AKR1C2: variants seen among roughly 807,000 people sequenced by gnomAD.
The protein encoded by AKR1C2 is 3-alpha-HSD3.
AKR1C2 carries 27 observed loss-of-function variants against 39.8 expected under a neutral mutation model. That is an observed-to-expected ratio of 0.68 (90% CI 0.50 to 0.93). The LOEUF (loss-of-function observed/expected upper bound fraction) is 0.93, where lower values mean the gene tolerates loss of function less well. Among genes scored for constraint, AKR1C2 ranks in the 40% least tolerant of loss-of-function variants. The pLI is 0.00. For synonymous variants in AKR1C2, 114 were observed against 137.9 expected, an observed-to-expected ratio of 0.83 and a Z score of 1.22; for missense variants, 263 against 365.1, an observed-to-expected ratio of 0.72 and a Z score of 2.28.
chr10:5,004,192 T>C (rs1554774189), upstream of AKR1C2, among the ~76,000 whole-genome samples: 1 of 152,254 alleles, frequency 6.6e-6, no homozygotes, highest in African/African-American at 2.4e-5. Context: ...AGCTCTTTTT[T>C]GTGTGTGCCA....
chr10:4,996,161 G>C, intron 5 of AKR1C2: 1 of 292,764 alleles, frequency 3.4e-6, no homozygotes, highest in South Asian at 4.7e-5. Flanking sequence ...GATTCTTTGA[G>C]CCTTGGGCAT....
In AKR1C2 at chr10:5,014,014, A is replaced by AT. The variant is rs572515521; in HGVS notation, c.-88+3885dup. On this transcript the variant is annotated intron_variant, in intron 1 of 6. Transcript: ENST00000604507. ...AGTAAAATGTCCTCAAGGTTCAACC[A>AT]TATTATTGCACGTATCTGAATTTCC... Among the ~76,000 whole-genome samples, 1,029 of 152,328 alleles carry AT rather than the reference A, an allele frequency of 6.8e-3. 15 individuals carry two copies. Among genetic ancestry groups the AT allele is most frequent in the African/African-American group, 0.024 (978 of 41,564 alleles).
Position 4,995,068 on chromosome 10 carries a change from T to C in AKR1C2, c.846+251A>G, listed in dbSNP as rs2801887. Among the ~76,000 whole-genome samples the C allele has an allele frequency of 0.95, 51,799 of 54,376 alleles. 25,358 individuals carry two copies. Among genetic ancestry groups the C allele is most frequent in the East Asian group, 1 (1,398 of 1,398 alleles). The allele number at this position is 54,376 out of a possible 152,430, so 35.7% of individuals were successfully genotyped here. On this transcript the variant is annotated intron_variant, in intron 7 of 8. Transcript: ENST00000380753. ...AATAAAGAAAAGGACATGGCCCCAGTAGAGGGATATGGATATCACTGACTT... is the reference window on the plus strand; with the variant it reads ...AATAAAGAAAAGGACATGGCCCCAGCAGAGGGATATGGATATCACTGACTT...
chr10:5,010,433 G>C (rs1191041014), intron 1 of AKR1C2: 3 of 152,028 alleles, frequency 2.0e-5, no homozygotes, highest in Non-Finnish European at 2.9e-5. Context: ...ATCTTTTCCT[G>C]ACTCTTCTTC....
chr10:5,002,844 G>T (rs1235688652), intron 1 of AKR1C2, among the ~76,000 whole-genome samples: 4 of 152,070 alleles, frequency 2.6e-5, no homozygotes, highest in Non-Finnish European at 5.9e-5. Flanking sequence ...GAGCTTCAGT[G>T]GTATCCTCAT....
chr10:5,000,728 T>G, intron 2 of AKR1C2, 62 bp from the exon 3 acceptor site: 1 of 1,480,522 alleles, frequency 6.8e-7, no homozygotes, highest in East Asian at 2.3e-5. Flanking sequence ...ACTAGTTTGC[T>G]CCACCTAATA....
At chr10:5,010,808 C>T (rs1299760336) in intron 1 of AKR1C2, among the ~76,000 whole-genome samples, 1 of 152,154 alleles carries the variant, frequency 6.6e-6, no homozygotes, top group Non-Finnish European at 1.5e-5. Context: ...CTTGCTTATA[C>T]CTCAAAATAG....
At chr10:4,990,588 A>G (rs1310677495) in intron 8 of AKR1C2, among the ~76,000 whole-genome samples, 1 of 152,198 alleles carries the variant, frequency 6.6e-6, no homozygotes, top group Non-Finnish European at 1.5e-5. Context: ...CCCAATATTC[A>G]AAGAGCTACA....
chr10:4,994,107 T>C (rs1554772566), intron 7 of AKR1C2, among the ~76,000 whole-genome samples: 1 of 151,662 alleles, frequency 6.6e-6, no homozygotes, highest in Non-Finnish European at 1.5e-5. Flanking sequence ...TACATATACA[T>C]GATATATGTC....
chr10:4,993,097 G>T (rs1296145265), intron 7 of AKR1C2, among the ~76,000 whole-genome samples: 1 of 152,174 alleles, frequency 6.6e-6, no homozygotes, highest in African/African-American at 2.4e-5. Flanking sequence ...TCTCTGCATT[G>T]ATCTGCAGGC....
intron 1 of AKR1C2, among the ~76,000 whole-genome samples, chr10:5,016,340 A>G (rs1837638671): frequency 6.6e-6 from 1 of 152,236 alleles, no homozygotes; most frequent in Admixed American, 6.5e-5. Context: ...TCTAGATACA[A>G]TGGAAATGGG....
intron 5 of AKR1C2, among the ~76,000 whole-genome samples, chr10:4,998,024 G>T (rs1564329923): frequency 6.6e-6 from 1 of 152,228 alleles, no homozygotes; most frequent in Non-Finnish European, 1.5e-5. Flanking sequence ...ACCTTCCTCA[G>T]TGTGGATTTC....
Position 4,998,618 on chromosome 10 carries a change from C to T in AKR1C2, c.570+7G>A, listed in dbSNP as rs562214073. On this transcript the variant is annotated splice_region_variant and intron_variant, in intron 5 of 8. Transcript: ENST00000380753. Reference sequence around the variant, plus strand: ...AACAGAAAGGAGAGGAGGCTGAGGGCGCTCACCTGGTTGCAGACAGGCTTG... The same window carrying T: ...AACAGAAAGGAGAGGAGGCTGAGGGTGCTCACCTGGTTGCAGACAGGCTTG... 420 of 1,613,686 alleles carry T rather than the reference C, an allele frequency of 2.6e-4. 4 individuals are homozygous for T. Among genetic ancestry groups the T allele is most frequent in the South Asian group, 6.7e-4 (61 of 91,034 alleles).
At chr10:5,014,276 AT>A (rs1422423122) in intron 1 of AKR1C2, among the ~76,000 whole-genome samples, 1 of 151,878 alleles carries the variant, frequency 6.6e-6, no homozygotes, top group Non-Finnish European at 1.5e-5. Context: ...TTAGAAATTT[AT>A]TTTTCCAAAG....
chr10:4,992,886 G>T (rs1292129088), intron 7 of AKR1C2, among the ~76,000 whole-genome samples: 1 of 152,096 alleles, frequency 6.6e-6, no homozygotes, highest in Admixed American at 6.6e-5. Flanking sequence ...GGAGGTGGAG[G>T]TTGCAGTGAG....
intron 1 of AKR1C2, among the ~76,000 whole-genome samples, chr10:5,009,699 G>A (rs1485740450): frequency 2.0e-5 from 3 of 152,138 alleles, no homozygotes; most frequent in African/African-American, 7.2e-5. Context: ...TTGCCTTTTG[G>A]CCCACCACAC....
upstream of AKR1C2, among the ~76,000 whole-genome samples, chr10:5,005,305 A>T (rs1203001362): frequency 3.3e-5 from 5 of 152,356 alleles, no homozygotes; most frequent in Non-Finnish European, 5.9e-5. Flanking sequence ...CGCACATATA[A>T]GTTAATGACT....
intron 1 of AKR1C2, among the ~76,000 whole-genome samples, chr10:5,011,039 C>CA (rs35486838): frequency 0.43 from 60,622 of 140,326 alleles, 12,485 homozygotes; most frequent in East Asian, 0.57. Context: ...TTCTGTAAAG[C>CA]AAAAAAAAAA....
chr10:4,994,271 A>T (rs1456405290), intron 7 of AKR1C2, among the ~76,000 whole-genome samples: 1 of 152,036 alleles, frequency 6.6e-6, no homozygotes. Context: ...TAATATATCT[A>T]TATATATTCA....
Sources: allele counts gnomAD v4.1 joint callset (sites outside exome capture counted in the v4.1 genomes callset), GRCh38; gene constraint gnomAD v4.1.1; transcripts MANE v1.5; gene names NCBI Gene and HGNC (gene_info 2026-07-23, HGNC 2026-07-21).